The following AIG1 variants were observed in gnomAD, a reference collection of about 807,000 sequenced individuals.
AIG1 encodes the protein androgen-induced gene 1 protein.
AIG1 carries 23 observed loss-of-function variants against 31.4 expected under a neutral mutation model. The observed-to-expected ratio is 0.73, with a 90% CI of 0.53 to 1.04. The LOEUF is 1.04. Ranked by LOEUF, AIG1 falls within the 50% of genes least tolerant of loss-of-function variation. AIG1 has a pLI of 0.00. For missense variants in AIG1, 274 were observed against 295.0 expected (o/e 0.93, Z 0.52); for synonymous variants, 100 against 110.5 (o/e 0.90, Z 0.60).
chr6:143,066,967 C>T lies in AIG1; in HGVS notation c.141+5901C>T, dbSNP rs1054712711. On this transcript the variant is annotated intron_variant, in intron 1 of 5. Coordinates refer to ENST00000357847, the MANE Select transcript of AIG1 (RefSeq NM_016108.4). ...GGAGGCTTGCTTAAACCCAGGAGTT[C>T]GAGACCAGCCTGGGCATCACAGCAA... 4.6e-5 allele frequency among the ~76,000 whole-genome samples: 7 copies of T among 152,196 alleles called. No individual in the cohort carries two copies. The Middle Eastern group carries it at 0.01, about 222-fold the overall frequency.
intron 3 of AIG1, among the ~76,000 whole-genome samples, chr6:143,210,716 GGAGACAATAAAAAATGAAATTAACCTA>G (rs1583516844): frequency 6.6e-6 from 1 of 152,078 alleles, no homozygotes; most frequent in Non-Finnish European, 1.5e-5. Flanking sequence ...GTTTTTGTCA[GGAGACAATAAAAAATGAAATTAACCTA>G]GAGAAAATAC....
At chr6:143,341,524 G>T (rs1253651887), downstream of AIG1, among the ~76,000 whole-genome samples, 6 of 152,158 alleles carry the variant, frequency 3.9e-5, no homozygotes, top group Non-Finnish European at 8.8e-5. Flanking sequence ...TAGTATCTTT[G>T]TAAAAAGGGG....
intron 3 of AIG1, among the ~76,000 whole-genome samples, chr6:143,257,754 G>A (rs1217176361): frequency 1.3e-5 from 2 of 152,186 alleles, no homozygotes; most frequent in African/African-American, 2.4e-5. Flanking sequence ...GCGCATCATT[G>A]TTGGGTCTTG....
chr6:143,180,659 T>G (rs1365655655), intron 3 of AIG1, among the ~76,000 whole-genome samples: 1 of 152,228 alleles, frequency 6.6e-6, no homozygotes, highest in African/African-American at 2.4e-5. Context: ...GCTTTCAGAA[T>G]GCAAAGCACT....
At chr6:143,115,602 C>G (rs544337729) in intron 1 of AIG1, among the ~76,000 whole-genome samples, 2 of 152,312 alleles carry the variant, frequency 1.3e-5, no homozygotes, top group African/African-American at 4.8e-5. Context: ...CACTCTACCT[C>G]TCATAGTTAC....
At chr6:143,183,342 T>C (rs1788918843) in intron 3 of AIG1, among the ~76,000 whole-genome samples, 1 of 152,100 alleles carries the variant, frequency 6.6e-6, no homozygotes, top group Non-Finnish European at 1.5e-5. Context: ...ATTACAGGCA[T>C]GCACCACCAC....
At chr6:143,165,407 C>G (rs1269964260) in intron 3 of AIG1, among the ~76,000 whole-genome samples, 1 of 152,140 alleles carries the variant, frequency 6.6e-6, no homozygotes, top group Non-Finnish European at 1.5e-5. Context: ...GTAGATGAAT[C>G]CACAGATTAT....
chr6:143,130,729 A>G (rs542494856), intron 1 of AIG1, among the ~76,000 whole-genome samples: 2 of 152,240 alleles, frequency 1.3e-5, no homozygotes, highest in South Asian at 2.1e-4. Context: ...AAGAAAAATA[A>G]AAGAAGTTTT....
At chr6:143,120,900 G>A (rs1223071646) in intron 1 of AIG1, among the ~76,000 whole-genome samples, 2 of 152,162 alleles carry the variant, frequency 1.3e-5, no homozygotes, top group Non-Finnish European at 1.5e-5. Context: ...CTGGAATGAG[G>A]GCAAGGAACA....
At chr6:143,337,828 G>A in intron 5 of AIG1, 1 of 395,512 alleles carries the variant, frequency 2.5e-6, no homozygotes, top group Non-Finnish European at 4.5e-6. Context: ...GACTCCCTCA[G>A]CGCCCTGCAG....
intron 1 of AIG1, among the ~76,000 whole-genome samples, chr6:143,102,536 A>G (rs1333831105): frequency 6.8e-6 from 1 of 147,710 alleles, no homozygotes. Context: ...TGTAAAATAT[A>G]TAATATAGTA....
At chr6:143,276,875 C>T (rs908574003) in intron 3 of AIG1, among the ~76,000 whole-genome samples, 1 of 152,162 alleles carries the variant, frequency 6.6e-6, no homozygotes, top group Admixed American at 6.5e-5. Flanking sequence ...CAAGCTACTT[C>T]GGATGTCATT....
At chr6:143,311,196 C>T (rs988918370) in intron 4 of AIG1, among the ~76,000 whole-genome samples, 1 of 151,752 alleles carries the variant, frequency 6.6e-6, no homozygotes, top group African/African-American at 2.4e-5. Flanking sequence ...GCAAAAAATC[C>T]TCAAAAATGT....
At chr6:143,324,309 G>A (rs146602312) in intron 4 of AIG1, among the ~76,000 whole-genome samples, 8 of 152,262 alleles carry the variant, frequency 5.3e-5, no homozygotes, top group South Asian at 2.1e-4. Flanking sequence ...TTAGTCTTGC[G>A]TTAAAACTTC....
intron 1 of AIG1, chr6:143,099,451 A>C (rs1020497027): frequency 2.0e-5 from 3 of 152,214 alleles, no homozygotes; most frequent in African/African-American, 7.2e-5. Flanking sequence ...TATGTGCATA[A>C]GTTTTTAAAG....
Position 143,301,399 on chromosome 6 carries a change from G to A in AIG1, c.515+17174G>A, listed in dbSNP as rs1583793637. ...AGTCTTTCTTTTGTTATTCACCTTG[G>A]TAACACAGACTGGGTGCAAGCCCCA... On this transcript the variant is annotated intron_variant, in intron 4 of 5. Coordinates refer to ENST00000357847, the MANE Select transcript of AIG1 (RefSeq NM_016108.4). Among the ~76,000 whole-genome samples the A allele has an allele frequency of 2.0e-5, 3 of 152,252 alleles. No homozygotes were observed. In the East Asian group the frequency reaches 5.8e-4, roughly 29 times the overall value.
At chr6:143,247,861 C>G (rs141467493) in intron 3 of AIG1, among the ~76,000 whole-genome samples, 1 of 152,246 alleles carries the variant, frequency 6.6e-6, no homozygotes, top group East Asian at 1.9e-4. Context: ...AATGTTAGGA[C>G]CTGGTTTGAA....
intron 1 of AIG1, among the ~76,000 whole-genome samples, chr6:143,104,382 G>T (rs1780607418): frequency 6.6e-6 from 1 of 152,164 alleles, no homozygotes; most frequent in African/African-American, 2.4e-5. Context: ...TTCTGACCTT[G>T]CTATAGTGAA....
At chr6:143,091,665 T>A (rs1779317058) in intron 1 of AIG1, among the ~76,000 whole-genome samples, 1 of 152,212 alleles carries the variant, frequency 6.6e-6, no homozygotes, top group Non-Finnish European at 1.5e-5. Context: ...TAGGTTGGCA[T>A]CTTAATAGCC....
Sources: allele counts gnomAD v4.1 joint callset (sites outside exome capture counted in the v4.1 genomes callset), GRCh38; gene constraint gnomAD v4.1.1; transcripts MANE v1.5; gene names NCBI Gene and HGNC (gene_info 2026-07-23, HGNC 2026-07-21).